Variants in NTM observed in about 807,000 individuals in gnomAD.
NTM encodes neurotrimin.
NTM carries 13 observed loss-of-function variants against 42.1 expected under a neutral mutation model. The observed-to-expected ratio is 0.31, with a 90% CI of 0.20 to 0.49. The LOEUF (loss-of-function observed/expected upper bound fraction) is 0.49, where lower values mean the gene tolerates loss of function less well. NTM is among the 20% of genes least tolerant of loss of function. The pLI is 0.99. For missense variants in NTM, 373 were observed against 452.8 expected (o/e 0.82, Z 1.60); for synonymous variants, 187 against 179.2 (o/e 1.04, Z -0.35).
intron 1 of NTM, among the ~76,000 whole-genome samples, chr11:131,649,442 G>C (rs145020694): frequency 6.6e-6 from 1 of 152,274 alleles, no homozygotes; most frequent in Non-Finnish European, 1.5e-5. Context: ...CCATCACCTG[G>C]AGAGAGCTCC....
intron 1 of NTM, among the ~76,000 whole-genome samples, chr11:131,630,508 T>G (rs1286965713): frequency 6.6e-6 from 1 of 152,192 alleles, no homozygotes; most frequent in East Asian, 1.9e-4. Flanking sequence ...TGATAAGAGT[T>G]TACTGATACT....
At chr11:131,928,133 C>T (rs2058164161) in intron 2 of NTM, among the ~76,000 whole-genome samples, 1 of 151,752 alleles carries the variant, frequency 6.6e-6, no homozygotes, top group African/African-American at 2.4e-5. Flanking sequence ...TTAATAATAA[C>T]AACAGAAACC....
intron 1 of NTM, among the ~76,000 whole-genome samples, chr11:131,584,994 G>T (rs150287285): frequency 2.6e-5 from 4 of 151,160 alleles, no homozygotes; most frequent in Admixed American, 6.6e-5. Flanking sequence ...GAGGCCAAGG[G>T]GGGTGCAGTG....
At chr11:131,507,134 C>T (rs2047584151) in intron 1 of NTM, among the ~76,000 whole-genome samples, 1 of 152,166 alleles carries the variant, frequency 6.6e-6, no homozygotes, top group Admixed American at 6.5e-5. Context: ...CTTTCCACTT[C>T]AGGGATGAAA....
At position 131,706,714 on chromosome 11, in the gene NTM, A is replaced by G. The variant is rs371588587; in HGVS notation, c.83-204850A>G. The stretch of plus-strand genomic sequence containing the variant: ...AAATTTACAAATATGTAGAAATTAA[A>G]CAACCCATTTCTGAACAATTAATGT... On this transcript the variant is annotated intron_variant, in intron 1 of 8. Coordinates refer to ENST00000683400, the MANE Select transcript of NTM (RefSeq NM_001352005.2). Among the ~76,000 whole-genome samples the G allele has an allele frequency of 2.7e-4, 41 of 152,200 alleles. No individual in the cohort carries two copies. In the South Asian group the frequency reaches 7.5e-3, roughly 28 times the overall value.
At chr11:131,703,614 C>T (rs928192003) in intron 1 of NTM, among the ~76,000 whole-genome samples, 1 of 152,176 alleles carries the variant, frequency 6.6e-6, no homozygotes, top group Non-Finnish European at 1.5e-5. Context: ...GAACAATGCA[C>T]ACACAAAAAC....
chr11:131,905,351 G>A (rs2053714987), intron 1 of NTM, among the ~76,000 whole-genome samples: 1 of 152,112 alleles, frequency 6.6e-6, no homozygotes, highest in African/African-American at 2.4e-5. Flanking sequence ...CAATGTCGAT[G>A]GCATTAGAGG....
chr11:131,560,471 T>C (rs2056088554), intron 1 of NTM, among the ~76,000 whole-genome samples: 1 of 152,204 alleles, frequency 6.6e-6, no homozygotes. Context: ...TTGGCTGCAG[T>C]ATAACACACA....
chr11:131,874,613 C>A (rs1193064541), intron 1 of NTM, among the ~76,000 whole-genome samples: 1 of 152,146 alleles, frequency 6.6e-6, no homozygotes, highest in African/African-American at 2.4e-5. Flanking sequence ...CATTCTCAGC[C>A]AAGGACTAGC....
chr11:131,667,381 C>T (rs1473707208), intron 1 of NTM, among the ~76,000 whole-genome samples: 1 of 152,188 alleles, frequency 6.6e-6, no homozygotes, highest in Non-Finnish European at 1.5e-5. Flanking sequence ...CAACCGAAGA[C>T]CCTTCCTTGG....
chr11:131,911,138 C>A (rs2054844104), intron 1 of NTM: 3 of 1,265,022 alleles, frequency 2.4e-6, no homozygotes, highest in Admixed American at 6.7e-5. Flanking sequence ...GTCTGAACTG[C>A]CGCTGGGAAG....
chr11:131,505,712 C>T (rs1483555531), intron 1 of NTM, among the ~76,000 whole-genome samples: 2 of 152,158 alleles, frequency 1.3e-5, no homozygotes, highest in South Asian at 2.1e-4. Flanking sequence ...GGAAAGGACA[C>T]GGTGGCCACT....
At chr11:131,760,381 G>GA (rs1179628345) in intron 1 of NTM, among the ~76,000 whole-genome samples, 4 of 152,146 alleles carry the variant, frequency 2.6e-5, no homozygotes, top group South Asian at 2.1e-4. Context: ...AGGGAAAAAA[G>GA]AAAAAAATCC....
chr11:132,121,778 C>A (rs2064876315), intron 2 of NTM, among the ~76,000 whole-genome samples: 1 of 152,180 alleles, frequency 6.6e-6, no homozygotes, highest in South Asian at 2.1e-4. Context: ...AGTTTTCATG[C>A]ATAATAACTT....
At chr11:132,179,690 G>A (rs552295793) in intron 3 of NTM, among the ~76,000 whole-genome samples, 1 of 152,268 alleles carries the variant, frequency 6.6e-6, no homozygotes, top group South Asian at 2.1e-4. Context: ...AGTAATTCAG[G>A]GGAACAGTGT....
intron 3 of NTM, among the ~76,000 whole-genome samples, chr11:132,190,207 A>G (rs2079078542): frequency 6.6e-6 from 1 of 152,324 alleles, no homozygotes; most frequent in East Asian, 1.9e-4. Context: ...GACATCAGAC[A>G]CTAAACAAAT....
chr11:132,237,524 C>T (rs1334747365), intron 4 of NTM, among the ~76,000 whole-genome samples: 1 of 152,194 alleles, frequency 6.6e-6, no homozygotes, highest in African/African-American at 2.4e-5. Context: ...GAAGCCGGTC[C>T]CGTGAAGAGG....
intron 1 of NTM, among the ~76,000 whole-genome samples, chr11:131,524,725 C>T (rs546604081): frequency 6.6e-6 from 1 of 152,170 alleles, no homozygotes; most frequent in African/African-American, 2.4e-5. Flanking sequence ...GGGGAGTGCC[C>T]TTGAAATCAG....
intron 3 of NTM, among the ~76,000 whole-genome samples, chr11:132,161,495 C>T (rs958439004): frequency 2.7e-5 from 4 of 150,826 alleles, no homozygotes; most frequent in African/African-American, 9.8e-5. Flanking sequence ...CTCTTAGGCA[C>T]GCTCTATCTG....
Sources: allele counts gnomAD v4.1 joint callset (sites outside exome capture counted in the v4.1 genomes callset), GRCh38; gene constraint gnomAD v4.1.1; transcripts MANE v1.5; gene names NCBI Gene and HGNC (gene_info 2026-07-23, HGNC 2026-07-21).